RAB3GAP1: variants seen among roughly 807,000 people sequenced by gnomAD.
The protein encoded by RAB3GAP1 is rab3 GTPase-activating protein catalytic subunit.
Under a neutral mutation model 130.7 loss-of-function variants are expected in RAB3GAP1, and 86 were observed. The ratio of observed to expected loss-of-function variants is 0.66; its 90% confidence interval spans 0.55 to 0.79. The LOEUF (loss-of-function observed/expected upper bound fraction) is 0.79. RAB3GAP1 is among the 30% of genes least tolerant of loss of function. The probability of loss-of-function intolerance (pLI) is 0.00; values close to 1 mark genes in which losing one functional copy is unlikely to be tolerated. For missense variants in RAB3GAP1, 1,029 were observed against 1,169.4 expected, an observed-to-expected ratio of 0.88 and a Z score of 1.75; for synonymous variants, 367 against 401.7, an observed-to-expected ratio of 0.91 and a Z score of 1.03.
At chr2:135,123,106 T>A (rs1691249853) in intron 8 of RAB3GAP1, among the ~76,000 whole-genome samples, 1 of 152,190 alleles carries the variant, frequency 6.6e-6, no homozygotes, top group Admixed American at 6.5e-5. Context: ...GGTCACCAAG[T>A]GATAAAGTTT....
chr2:135,113,556 A>T (rs1040297340), intron 6 of RAB3GAP1, among the ~76,000 whole-genome samples: 2 of 152,170 alleles, frequency 1.3e-5, no homozygotes, highest in African/African-American at 4.8e-5. Context: ...AGTCAATCAC[A>T]GGGCAACTGA....
At chr2:135,095,363 T>A (rs1292133992) in intron 5 of RAB3GAP1, among the ~76,000 whole-genome samples, 1 of 152,246 alleles carries the variant, frequency 6.6e-6, no homozygotes, top group Non-Finnish European at 1.5e-5. Context: ...CAGGCTTTTT[T>A]AAGGATAGCG....
At chr2:135,121,697 A>G (rs1200652239) in intron 8 of RAB3GAP1, among the ~76,000 whole-genome samples, 1 of 152,244 alleles carries the variant, frequency 6.6e-6, no homozygotes, top group Non-Finnish European at 1.5e-5. Flanking sequence ...TCTCCTAAAG[A>G]GAAATAAAAT....
intron 5 of RAB3GAP1, among the ~76,000 whole-genome samples, chr2:135,097,583 C>G (rs917621202): frequency 5.9e-5 from 9 of 152,016 alleles, no homozygotes; most frequent in Admixed American, 5.2e-4. Context: ...ATAGTTTTGT[C>G]TTTTTGAGAG....
intron 13 of RAB3GAP1, 101 bp from the exon 14 acceptor site, chr2:135,132,794 C>A: frequency 1.3e-6 from 1 of 742,928 alleles, no homozygotes; most frequent in Non-Finnish European, 2.4e-6. Flanking sequence ...GTTAGAGCAG[C>A]AAAACCATTA....
intron 11 of RAB3GAP1, among the ~76,000 whole-genome samples, chr2:135,127,544 G>T (rs964592302): frequency 6.6e-6 from 1 of 151,622 alleles, no homozygotes; most frequent in Non-Finnish European, 1.5e-5. Flanking sequence ...GGGTTTCACC[G>T]TGTTAGCCAG....
chr2:135,158,004 A>G (rs1462116658), intron 19 of RAB3GAP1, among the ~76,000 whole-genome samples: 2 of 152,094 alleles, frequency 1.3e-5, no homozygotes, highest in Non-Finnish European at 2.9e-5. Flanking sequence ...CTTACTGTGG[A>G]AGTGAGATGC....
At chr2:135,088,552 G>A (rs1315661846) in intron 3 of RAB3GAP1, among the ~76,000 whole-genome samples, 2 of 151,950 alleles carry the variant, frequency 1.3e-5, no homozygotes, top group Non-Finnish European at 2.9e-5. Flanking sequence ...AGCCAGGCGT[G>A]GTGGTGCATG....
intron 17 of RAB3GAP1, 147 bp from the exon 18 acceptor site, chr2:135,150,221 TA>T: frequency 1.1e-6 from 1 of 930,408 alleles, no homozygotes; most frequent in Non-Finnish European, 1.6e-6. Flanking sequence ...ATGTAAGTTC[TA>T]AAAAACTTAT....
At position 135,169,977 on chromosome 2, in the gene RAB3GAP1, A is replaced by T. The variant is rs1692801508; in HGVS notation, c.*1196A>T. On this transcript the variant is annotated 3_prime_UTR_variant, in exon 24 of 24. Coordinates refer to ENST00000264158, the MANE Select transcript of RAB3GAP1 (RefSeq NM_012233.3). ...TGTGCAAACCCTGTTATTTTTGTAA[A>T]AAAAAAAAAAAATACATATCTATAT... 2 of 224,976 alleles carry T rather than the reference A, an allele frequency of 8.9e-6. No individual in the cohort carries two copies. Among genetic ancestry groups the T allele is most frequent in the South Asian group, 1.1e-4 (2 of 18,432 alleles). The allele number at this position is 224,976 out of a possible 1,614,324, so 13.9% of individuals were successfully genotyped here. A position where few individuals can be genotyped will look rare whatever the true frequency, so the allele number is the denominator to read the frequency against.
rs1432786831 is a variant in RAB3GAP1, at chr2:135,126,641, C to T, written c.958C>T (p.Pro320Ser). The T allele has an allele frequency of 1.2e-6, 2 of 1,611,884 alleles. No homozygotes were observed. Among genetic ancestry groups the T allele is most frequent in the African/African-American group, 2.7e-5 (2 of 74,878 alleles). The stretch of plus-strand genomic sequence containing the variant: ...TGTTAGAGTTCGAAAAGCTGAGAAT[C>T]CTCAGTGTTTGCTAGGTAAGGTATA... ...WSVRVRKAEN[P>S]QCLLGDFVTE... is the part of the protein sequence containing the mutation. Residue 320 changes from proline to serine, a missense_variant, in exon 11 of 24, where the codon CCT (proline) becomes TCT (serine). Coordinates refer to ENST00000264158, the MANE Select transcript of RAB3GAP1 (RefSeq NM_012233.3).
chr2:135,122,960 C>G (rs535312725), intron 8 of RAB3GAP1, among the ~76,000 whole-genome samples: 3 of 152,256 alleles, frequency 2.0e-5, no homozygotes, highest in African/African-American at 7.2e-5. Flanking sequence ...AACTCCTGAC[C>G]TCAGGTGATC....
At chr2:135,065,757 A>T (rs1689302114) in intron 3 of RAB3GAP1, among the ~76,000 whole-genome samples, 1 of 148,074 alleles carries the variant, frequency 6.8e-6, no homozygotes, top group Non-Finnish European at 1.5e-5. Flanking sequence ...CTAATACGGG[A>T]TCTTCACTAA....
In RAB3GAP1 at chr2:135,132,927, A is replaced by G. The variant is rs375809703; in HGVS notation, c.1269A>G (p.Pro423=). 4.5e-5 allele frequency: 71 copies of G among 1,583,180 alleles called. No individual in the cohort carries two copies. Among genetic ancestry groups the G allele is most frequent in the African/African-American group, 1.6e-4 (12 of 74,166 alleles). ...FLFPDAVSEK[P]LDGTTSTDNN... is the part of the protein sequence containing the mutation. Reference sequence around the variant, plus strand: ...TCCCTGATGCTGTTTCTGAGAAACCATTAGATGGAACTACTTCAACAGATA... The same window carrying G: ...TCCCTGATGCTGTTTCTGAGAAACCGTTAGATGGAACTACTTCAACAGATA... The change falls in exon 14 of 24, where the codon CCA becomes CCG. Residue 423 remains proline (P), a synonymous_variant. Coordinates refer to ENST00000264158, the MANE Select transcript of RAB3GAP1 (RefSeq NM_012233.3).
chr2:135,171,343 G>A (rs952704149), downstream of RAB3GAP1, among the ~76,000 whole-genome samples: 1 of 152,108 alleles, frequency 6.6e-6, no homozygotes, highest in Admixed American at 6.5e-5. Context: ...GTGACATGGT[G>A]GGTTTTAGAA....
intron 17 of RAB3GAP1, among the ~76,000 whole-genome samples, chr2:135,144,187 G>A (rs941798776): frequency 2.6e-5 from 4 of 152,186 alleles, no homozygotes; most frequent in South Asian, 2.1e-4. Context: ...AGTGGGTCCC[G>A]AGTTCTTGTC....
chr2:135,092,970 C>T (rs1048901922), intron 4 of RAB3GAP1, among the ~76,000 whole-genome samples: 1 of 152,082 alleles, frequency 6.6e-6, no homozygotes, highest in African/African-American at 2.4e-5. Context: ...GTCTGAAAAG[C>T]ACCAAATCAT....
intron 8 of RAB3GAP1, among the ~76,000 whole-genome samples, chr2:135,121,471 C>T (rs187960782): frequency 2.6e-5 from 4 of 152,234 alleles, no homozygotes; most frequent in Admixed American, 6.5e-5. Context: ...TAATTATTAA[C>T]CTGAGACTAG....
chr2:135,119,822 A>G (rs1399958901), intron 7 of RAB3GAP1, among the ~76,000 whole-genome samples: 2 of 152,232 alleles, frequency 1.3e-5, no homozygotes, highest in Non-Finnish European at 2.9e-5. Context: ...TCTGCATTTC[A>G]CAAGTTCCCT....
Sources: gnomAD v4.1 joint callset for allele counts (sites outside exome capture counted in the v4.1 genomes callset) on GRCh38, gnomAD v4.1.1 for gene constraint, MANE v1.5 for transcripts, NCBI Gene and HGNC (gene_info 2026-07-23, HGNC 2026-07-21) for gene names.